The following ELP4 variants were observed in gnomAD, a reference collection of about 807,000 sequenced individuals.
ELP4 encodes elongator acetyltransferase complex subunit 4.
Under a neutral mutation model 48.9 loss-of-function variants are expected in ELP4, and 51 were observed. That is an observed-to-expected ratio of 1.04 (90% CI 0.83 to 1.32). ELP4 has a LOEUF of 1.32. Among genes scored for constraint, ELP4 ranks in the 40% most tolerant of loss-of-function variants. ELP4 has a pLI of 0.00. For synonymous variants in ELP4, 210 were observed against 189.2 expected (o/e 1.11, Z -0.90); for missense variants, 519 against 514.6 (o/e 1.01, Z -0.08).
intron 9 of ELP4, among the ~76,000 whole-genome samples, chr11:31,768,677 A>G (rs943553176): frequency 9.9e-5 from 15 of 152,198 alleles, no homozygotes; most frequent in Non-Finnish European, 2.9e-5. Context: ...GAACTTGTTC[A>G]TGCATGCAGA....
chr11:31,538,363 G>A (rs947314819), intron 2 of ELP4, among the ~76,000 whole-genome samples: 14 of 147,374 alleles, frequency 9.5e-5, no homozygotes, highest in African/African-American at 2.7e-4. Context: ...CTATATAATA[G>A]TTATATAACT....
At chr11:31,748,286 C>G (rs553151987) in intron 9 of ELP4, among the ~76,000 whole-genome samples, 6 of 150,720 alleles carry the variant, frequency 4.0e-5, no homozygotes, top group African/African-American at 1.2e-4. Context: ...ATTCTGTTGC[C>G]CAAGCTGGAA....
chr11:31,597,684 G>T (rs1265283104), intron 4 of ELP4, among the ~76,000 whole-genome samples: 3 of 152,090 alleles, frequency 2.0e-5, no homozygotes, highest in South Asian at 2.1e-4. Flanking sequence ...TGATTCTCCT[G>T]CCTCAGCCTC....
intron 9 of ELP4, among the ~76,000 whole-genome samples, chr11:31,779,149 A>G (rs1423086805): frequency 6.6e-6 from 1 of 152,250 alleles, no homozygotes; most frequent in African/African-American, 2.4e-5. Flanking sequence ...AAATTTTTAA[A>G]AGGTTTAAAA....
chr11:31,750,892 G>T (rs968730967), intron 9 of ELP4, among the ~76,000 whole-genome samples: 2 of 152,114 alleles, frequency 1.3e-5, no homozygotes, highest in Non-Finnish European at 2.9e-5. Context: ...CCCTTCTCCA[G>T]CCTATAGGCA....
intron 5 of ELP4, among the ~76,000 whole-genome samples, chr11:31,615,429 G>T (rs1958058865): frequency 6.6e-6 from 1 of 151,988 alleles, no homozygotes; most frequent in African/African-American, 2.4e-5. Flanking sequence ...AGCTGGCATA[G>T]TAAAGGGTTA....
Position 31,789,911 on chromosome 11 carries a change from CCTT to C in ELP4, c.*6388_*6390del. The C allele has an allele frequency of 3.9e-6, 5 of 1,272,738 alleles. No individual in the cohort carries two copies. The highest frequency in any genetic ancestry group is 1.7e-5 in the African/African-American group (1 of 59,846). 78.8% of individuals were successfully genotyped at this position (1,272,738 alleles called of 1,614,324 possible). A position where few individuals can be genotyped will look rare whatever the true frequency, so the allele number is the denominator to read the frequency against. On this transcript the variant is annotated 3_prime_UTR_variant, in exon 10 of 10. Coordinates refer to ENST00000640961, the MANE Select transcript of ELP4 (RefSeq NM_019040.5). ...ACTGAATTAACACAATATTTCCTTT[CCTT>C]TTTTTTTTTTTTTTTTTTTTTACTG...
chr11:31,734,809 A>G (rs749679134), intron 9 of ELP4, among the ~76,000 whole-genome samples: 3 of 152,236 alleles, frequency 2.0e-5, no homozygotes, highest in Non-Finnish European at 4.4e-5. Flanking sequence ...TACACGTTCA[A>G]TGCAATCCCT....
At chr11:31,705,025 T>TA (rs1337942603) in intron 9 of ELP4, among the ~76,000 whole-genome samples, 11 of 149,486 alleles carry the variant, frequency 7.4e-5, no homozygotes, top group Non-Finnish European at 1.0e-4. Context: ...AAAAAAAAAA[T>TA]TATATAGTAT....
chr11:31,593,400 C>A (rs1957621496), intron 3 of ELP4, among the ~76,000 whole-genome samples: 1 of 152,076 alleles, frequency 6.6e-6, no homozygotes, highest in African/African-American at 2.4e-5. Flanking sequence ...TGCCACCACA[C>A]CCAGCTAATC....
At chr11:31,698,034 G>A (rs1365174014) in intron 9 of ELP4, among the ~76,000 whole-genome samples, 1 of 152,012 alleles carries the variant, frequency 6.6e-6, no homozygotes, top group East Asian at 1.9e-4. Flanking sequence ...GAACTAAATG[G>A]TCACATTTTT....
chr11:31,776,309 G>A (rs1948246848), intron 9 of ELP4, among the ~76,000 whole-genome samples: 1 of 152,162 alleles, frequency 6.6e-6, no homozygotes, highest in Admixed American at 6.5e-5. Flanking sequence ...GCAATTTTAA[G>A]GGAAAGGATA....
chr11:31,526,276 TAAA>T (rs1956293128), intron 2 of ELP4, among the ~76,000 whole-genome samples: 1 of 152,126 alleles, frequency 6.6e-6, no homozygotes, highest in African/African-American at 2.4e-5. Context: ...TAACTTATCT[TAAA>T]AATCCCTTAT....
intron 9 of ELP4, among the ~76,000 whole-genome samples, chr11:31,732,806 C>G (rs1947219991): frequency 6.6e-6 from 1 of 152,012 alleles, no homozygotes; most frequent in Non-Finnish European, 1.5e-5. Context: ...AAAACTGACA[C>G]AAGAGACAAA....
intron 9 of ELP4, among the ~76,000 whole-genome samples, chr11:31,702,014 A>G (rs1015664560): frequency 1.3e-5 from 2 of 152,146 alleles, no homozygotes; most frequent in Admixed American, 6.6e-5. Context: ...GTCCTTTTAA[A>G]TCTACTTAGT....
At chr11:31,757,570 G>A (rs1947857743) in intron 9 of ELP4, among the ~76,000 whole-genome samples, 1 of 152,092 alleles carries the variant, frequency 6.6e-6, no homozygotes, top group South Asian at 2.1e-4. Flanking sequence ...GAAATGACAA[G>A]GAGCACTGGT....
At chr11:31,727,990 T>C (rs1592258206) in intron 9 of ELP4, 1 of 152,112 alleles carries the variant, frequency 6.6e-6, no homozygotes, top group Non-Finnish European at 1.5e-5. Context: ...CTCATCTATC[T>C]CAAAGATAAA....
chr11:31,734,680 A>G (rs979865695), intron 9 of ELP4, among the ~76,000 whole-genome samples: 1 of 152,236 alleles, frequency 6.6e-6, no homozygotes, highest in Non-Finnish European at 1.5e-5. Flanking sequence ...TTGTACACTG[A>G]AAACTATAAA....
At chr11:31,555,489 GTACACT>G (rs916135589) in intron 3 of ELP4, among the ~76,000 whole-genome samples, 1 of 151,248 alleles carries the variant, frequency 6.6e-6, no homozygotes, top group Non-Finnish European at 1.5e-5. Flanking sequence ...TGATTTTTTG[GTACACT>G]TACAGTGTTG....
Sources: allele counts gnomAD v4.1 joint callset (sites outside exome capture counted in the v4.1 genomes callset), GRCh38; gene constraint gnomAD v4.1.1; transcripts MANE v1.5; gene names NCBI Gene and HGNC (gene_info 2026-07-23, HGNC 2026-07-21).